Variants in CREBBP observed in about 807,000 individuals in gnomAD.
CREBBP encodes CREB binding lysine acetyltransferase.
CREBBP carries 19 observed loss-of-function variants against 265.0 expected under a neutral mutation model. The ratio of observed to expected loss-of-function variants is 0.07; its 90% CI spans 0.05 to 0.11. CREBBP has a LOEUF of 0.11. Ranked by LOEUF, CREBBP falls within the 10% of genes least tolerant of loss-of-function variation. CREBBP has a pLI of 1.00. For synonymous variants in CREBBP, 1,457 were observed against 1,223.7 expected (o/e 1.19, Z -3.98); for missense variants, 2,525 against 3,219.0 (o/e 0.78, Z 5.22).
intron 16 of CREBBP, among the ~76,000 whole-genome samples, chr16:3,764,876 C>T (rs1471005148): frequency 2.0e-5 from 3 of 152,168 alleles, no homozygotes; most frequent in Non-Finnish European, 4.4e-5. Context: ...AGCCACCACA[C>T]CTGGCTGAAA....
chr16:3,812,850 G>A (rs1357595797), intron 2 of CREBBP: 1 of 186,984 alleles, frequency 5.3e-6, no homozygotes, highest in Non-Finnish European at 1.1e-5. Context: ...CAGTTTGATG[G>A]ACTGGGAAGG....
intron 2 of CREBBP, among the ~76,000 whole-genome samples, chr16:3,822,306 A>G (rs1414900962): frequency 6.6e-6 from 1 of 152,226 alleles, no homozygotes; most frequent in African/African-American, 2.4e-5. Context: ...GGAAGGCGTG[A>G]ATGTGTATAG....
chr16:3,793,692 AT>A, intron 3 of CREBBP, 66 bp from the exon 4 acceptor site: 1 of 1,564,690 alleles, frequency 6.4e-7, no homozygotes, highest in Non-Finnish European at 8.7e-7. Flanking sequence ...TTCATTAATT[AT>A]TTCTCAAACA....
rs2151302359 is a variant in CREBBP, at chr16:3,728,377, C to T, written c.6670G>A (p.Gly2224Ser). The T allele has an allele frequency of 1.2e-6, 2 of 1,613,480 alleles. No homozygotes were observed. Among genetic ancestry groups the T allele is most frequent in the Non-Finnish European group, 1.7e-6 (2 of 1,179,766 alleles). Reference sequence around the variant, plus strand: ...TGGAACTGGCCGTGCCCCGCCATGCCCCCAGCCATGCCGGCACTCCCTTGC... The same window carrying T: ...TGGAACTGGCCGTGCCCCGCCATGCTCCCAGCCATGCCGGCACTCCCTTGC... Reference protein sequence around the residue: ...QQQGSAGMAGGMAGHGQFQQP... With the variant: ...QQQGSAGMAGSMAGHGQFQQP... The change falls in exon 31 of 31, where the codon GGC (glycine) becomes AGC (serine). Residue 2224 changes from glycine (G) to serine (S), a missense_variant. Physicochemically the swap from Gly to Ser is moderately conservative, Grantham distance 56. This residue lies in a region of CREBBP where 473 missense variants were observed against 459.3 expected (regional missense o/e 1.03). Transcript: ENST00000262367. This position sits in a 1 kb window ranked among gnomAD's most constrained non-coding sequence, Gnocchi z 8.7.
chr16:3,802,252 C>T (rs536181852), intron 3 of CREBBP, among the ~76,000 whole-genome samples: 2 of 150,216 alleles, frequency 1.3e-5, no homozygotes, highest in African/African-American at 2.4e-5. Context: ...CTGTCTCACC[C>T]TCCCAAGTAG....
Position 3,731,183 on chromosome 16 carries a change from A to T in CREBBP, c.5172+9T>A, listed in dbSNP as rs1340934396. 1 of 1,607,562 alleles carries T rather than the reference A, an allele frequency of 6.2e-7. No individual in the cohort carries two copies. The highest frequency in any genetic ancestry group is 1.3e-5 in the African/African-American group (1 of 74,912). On this transcript the variant is annotated intron_variant, in intron 30 of 30. Coordinates refer to ENST00000262367, the MANE Select transcript of CREBBP (RefSeq NM_004380.3). The surrounding 1 kb of genome is among the most constrained non-coding windows in gnomAD (Gnocchi z 7.7). ...CGGCTGTGGGGGTGGGGGTGGGGGC[A>T]GGGCCTACCTCGCACACAGTGCAGT...
chr16:3,853,742 G>A (rs1486341678), intron 1 of CREBBP, among the ~76,000 whole-genome samples: 2 of 151,990 alleles, frequency 1.3e-5, no homozygotes, highest in Non-Finnish European at 2.9e-5. Context: ...TTCAAGACCA[G>A]CCTGGCTAAT....
chr16:3,815,710 GT>G (rs934611850), intron 2 of CREBBP, among the ~76,000 whole-genome samples: 2 of 151,456 alleles, frequency 1.3e-5, no homozygotes, highest in African/African-American at 2.4e-5. Context: ...GGTTACATGA[GT>G]TTTTTTTACA....
At chr16:3,767,621 T>C (rs570738547) in intron 16 of CREBBP, 99 bp downstream of exon 16, 76 of 1,517,578 alleles carry the variant, frequency 5.0e-5, no homozygotes, top group South Asian at 4.6e-5. Context: ...AAAGGGCAGA[T>C]AGAATTATGT....
intron 3 of CREBBP, 126 bp downstream of exon 3, chr16:3,810,477 T>G (rs963166465): frequency 6.4e-6 from 7 of 1,094,838 alleles, no homozygotes; most frequent in Non-Finnish European, 9.8e-6. Context: ...ATGAGAAATC[T>G]GGGTTCTCTT....
intron 1 of CREBBP, among the ~76,000 whole-genome samples, chr16:3,873,478 T>C (rs2055340622): frequency 6.6e-6 from 1 of 152,218 alleles, no homozygotes; most frequent in African/African-American, 2.4e-5. Flanking sequence ...ACATGGCTTC[T>C]GTCCTTTCCA....
chr16:3,746,279 T>C (rs1470401219), intron 21 of CREBBP, among the ~76,000 whole-genome samples: 5 of 151,906 alleles, frequency 3.3e-5, no homozygotes, highest in Admixed American at 2.0e-4. Context: ...CCCTCAGCCA[T>C]GGGTCTACCC....
chr16:3,865,139 C>T (rs1805590376), intron 1 of CREBBP, among the ~76,000 whole-genome samples: 1 of 152,208 alleles, frequency 6.6e-6, no homozygotes, highest in Non-Finnish European at 1.5e-5. Flanking sequence ...TTTTAAGACT[C>T]TACCAACACA....
chr16:3,782,415 C>A (rs1308260275), intron 6 of CREBBP, among the ~76,000 whole-genome samples: 2 of 152,224 alleles, frequency 1.3e-5, no homozygotes, highest in Non-Finnish European at 2.9e-5. Flanking sequence ...CATTCTGAGG[C>A]ACATGGCACA....
intron 1 of CREBBP, 132 bp from the exon 2 acceptor site, chr16:3,851,141 A>G: frequency 1.3e-6 from 1 of 784,598 alleles, no homozygotes. Flanking sequence ...TCATGTCATT[A>G]GCTGGGTGTG....
chr16:3,741,733 A>C (rs1410724527), intron 23 of CREBBP: 1 of 152,128 alleles, frequency 6.6e-6, no homozygotes, highest in Middle Eastern at 3.1e-3. Context: ...TGAGGTCAGG[A>C]GTTCGAGACC....
chr16:3,809,960 T>C (rs130040), intron 3 of CREBBP, among the ~76,000 whole-genome samples: 3,387 of 151,948 alleles, frequency 0.022, 123 homozygotes, highest in African/African-American at 0.076. Context: ...CAAGAGAGGC[T>C]GGACAAAAGA....
intron 16 of CREBBP, chr16:3,761,590 G>A (rs199808139): frequency 1.4e-4 from 73 of 518,486 alleles, no homozygotes; most frequent in Non-Finnish European, 3.5e-5. Context: ...AACCTCCGCA[G>A]ACACCGCCTC....
intron 13 of CREBBP, 119 bp from the exon 14 acceptor site, chr16:3,771,105 G>C: frequency 9.2e-7 from 1 of 1,083,660 alleles, no homozygotes; most frequent in Non-Finnish European, 1.4e-6. Flanking sequence ...TTTCACTCTT[G>C]TCGCCCAGGC....
Sources: gnomAD v4.1 joint callset for allele counts (sites outside exome capture counted in the v4.1 genomes callset) on GRCh38, gnomAD v4.1.1 for gene constraint, gnomAD v4.1.1 regional missense constraint, Gnocchi (gnomAD v3.1) non-coding constraint, MANE v1.5 for transcripts, NCBI Gene and HGNC (gene_info 2026-07-23, HGNC 2026-07-21) for gene names.